CHST1: variants seen among roughly 807,000 people sequenced by gnomAD.
The protein encoded by CHST1 is Keratan sulfotransferase.
Under a neutral mutation model 22.5 loss-of-function variants are expected in CHST1, and 10 were observed. The observed-to-expected ratio is 0.44, with a 90% CI of 0.27 to 0.75. The LOEUF (loss-of-function observed/expected upper bound fraction) is 0.75, where lower values mean the gene tolerates loss of function less well. Among genes scored for constraint, CHST1 ranks in the 30% least tolerant of loss-of-function variants. The pLI is 0.15. For synonymous variants in CHST1, 267 were observed against 264.5 expected (o/e 1.01, Z -0.09); for missense variants, 439 against 576.1 (o/e 0.76, Z 2.44).
chr11:45,656,095 A>T (rs1470796755), intron 1 of CHST1, among the ~76,000 whole-genome samples: 1 of 152,202 alleles, frequency 6.6e-6, no homozygotes, highest in Non-Finnish European at 1.5e-5. Flanking sequence ...CTCTTGCTGT[A>T]CAGAAATCCC....
At chr11:45,653,847 C>G (rs1852028681) in intron 1 of CHST1, among the ~76,000 whole-genome samples, 1 of 152,170 alleles carries the variant, frequency 6.6e-6, no homozygotes, top group African/African-American at 2.4e-5. Flanking sequence ...CAGCCATCAG[C>G]TCATCGCACC....
At chr11:45,659,019 G>A (rs45460198) in intron 1 of CHST1, among the ~76,000 whole-genome samples, 6,012 of 152,262 alleles carry the variant, frequency 0.039, 414 homozygotes, top group African/African-American at 0.14. Context: ...GGCTGGCCCC[G>A]TGGGGACGAG....
At chr11:45,656,146 C>A (rs1470572925) in intron 1 of CHST1, among the ~76,000 whole-genome samples, 1 of 152,210 alleles carries the variant, frequency 6.6e-6, no homozygotes, top group Non-Finnish European at 1.5e-5. Context: ...CTTTTCTGGG[C>A]CACAGACCTT....
chr11:45,650,906 C>T lies in CHST1; in HGVS notation c.18G>A (p.Lys6=), dbSNP rs1851990184. 1 of 1,536,138 alleles carries T rather than the reference C, an allele frequency of 6.5e-7. No individual in the cohort carries two copies. The highest frequency in any genetic ancestry group is 8.8e-7 in the Non-Finnish European group (1 of 1,140,906). Residue 6 remains lysine (K), a synonymous_variant, in exon 4 of 4, where the codon AAG becomes AAA. Coordinates refer to ENST00000308064, the MANE Select transcript of CHST1 (RefSeq NM_003654.6). ...AGGCCAGGGCAAGGAGGAGGACGGC[C>T]TTCCAGGAACATTGCATGGCTGGGC... MQCSW[K]AVLLLALASI...
intron 1 of CHST1, among the ~76,000 whole-genome samples, chr11:45,663,005 A>T (rs910336864): frequency 6.6e-6 from 1 of 152,150 alleles, no homozygotes; most frequent in Non-Finnish European, 1.5e-5. Flanking sequence ...CAGCCGCTAC[A>T]CCGAGTCCTC....
chr11:45,656,215 A>G (rs1176032246), intron 1 of CHST1, among the ~76,000 whole-genome samples: 1 of 152,146 alleles, frequency 6.6e-6, no homozygotes. Context: ...TACACACACA[A>G]TTGAGAAGTT....
chr11:45,654,236 G>A (rs1444934403), intron 1 of CHST1, among the ~76,000 whole-genome samples: 1 of 152,170 alleles, frequency 6.6e-6, no homozygotes, highest in African/African-American at 2.4e-5. Context: ...CTTAAGGCCA[G>A]GACTGGAAGC....
chr11:45,658,057 C>G (rs1852084498), intron 1 of CHST1, among the ~76,000 whole-genome samples: 1 of 152,202 alleles, frequency 6.6e-6, no homozygotes, highest in African/African-American at 2.4e-5. Context: ...ACATGATACC[C>G]ATGGATGTCT....
rs76707101 is a variant in CHST1, at chr11:45,651,215, C to A, written c.-42-250G>T. The A allele has an allele frequency of 9.8e-3, 2,974 of 301,948 alleles. 81 individuals carry two copies. The highest frequency in any genetic ancestry group is 0.057 in the African/African-American group (2,669 of 46,624). The allele number at this position is 301,948 out of a possible 1,614,324, so 18.7% of individuals were successfully genotyped here. A position where few individuals can be genotyped will look rare whatever the true frequency, so the allele number is the denominator to read the frequency against. The stretch of plus-strand genomic sequence containing the variant: ...AACCTGCGGACAGCTGCGGAAGCCT[C>A]TTATCCTGAGCTCTGAGTTCCTTAG... On this transcript the variant is annotated intron_variant, in intron 3 of 3. Coordinates refer to ENST00000308064, the MANE Select transcript of CHST1 (RefSeq NM_003654.6).
Position 45,648,678 on chromosome 11 carries a change from G to A in CHST1, c.*1010C>T, listed in dbSNP as rs555275996. Among the ~76,000 whole-genome samples, 12 of 152,222 alleles carry A rather than the reference G, an allele frequency of 7.9e-5. No individual in the cohort carries two copies. The South Asian group carries it at 2.1e-3, about 26-fold the overall frequency. ...TGCACTCCAGCCTGGGTGACAGAGC[G>A]AGACTCTGTCTCAAAACAAAACAAA... On this transcript the variant is annotated 3_prime_UTR_variant, in exon 4 of 4. Transcript: ENST00000308064.
At chr11:45,664,756 C>A (rs1852175952) in intron 1 of CHST1, among the ~76,000 whole-genome samples, 1 of 152,190 alleles carries the variant, frequency 6.6e-6, no homozygotes, top group Non-Finnish European at 1.5e-5. Context: ...CCCCCGCCTC[C>A]GGGTGCAGCT....
chr11:45,651,029 A>T, intron 3 of CHST1, 64 bp from the exon 4 acceptor site: 1 of 1,282,144 alleles, frequency 7.8e-7, no homozygotes, highest in Non-Finnish European at 1.0e-6. Flanking sequence ...TGTCCCTTGG[A>T]AGAGCCGGTC....
chr11:45,663,406 C>A (rs1852159238), intron 1 of CHST1, among the ~76,000 whole-genome samples: 1 of 152,154 alleles, frequency 6.6e-6, no homozygotes, highest in African/African-American at 2.4e-5. Context: ...CCAGCAGGGG[C>A]CTGTGACTCA....
rs1199535798 is a variant in CHST1 at position 45,650,032 on chromosome 11, TG to T, written c.891del (p.Tyr297Ter). On this transcript the variant is annotated frameshift_variant, in exon 4 of 4. Coordinates refer to ENST00000308064, the MANE Select transcript of CHST1 (RefSeq NM_003654.6). LOFTEE classifies it high-confidence loss of function. Reference protein sequence around the residue: ...LMRPPWLKGKYMLVRYEDLAR... With the variant: ...LMRPPWLKGKXMLVRYEDLAR... ...GCCAGGTCCTCGTAGCGCACCAACA[TG>T]TACTTGCCCTTGAGCCACGGGGGCC... 1 of 1,613,924 alleles carries T rather than the reference TG, an allele frequency of 6.2e-7. No homozygotes were observed. Among genetic ancestry groups the T allele is most frequent in the Non-Finnish European group, 8.5e-7 (1 of 1,179,966 alleles).
chr11:45,650,826 G>C lies in CHST1; in HGVS notation c.98C>G (p.Thr33Ser). Residue 33 changes from threonine to serine, a missense_variant, in exon 4 of 4, where the codon ACC becomes AGC. Coordinates refer to ENST00000308064, the MANE Select transcript of CHST1 (RefSeq NM_003654.6). ...CCCGGCCTCTGCCAGCCCGGGGCAG[G>C]TGTGAAAGGACTTGGCGGTGAAGGT... Reference protein sequence around the residue: ...IRTFTAKSFHTCPGLAEAGLA... With the variant: ...IRTFTAKSFHSCPGLAEAGLA... 2 of 1,609,408 alleles carry C rather than the reference G, an allele frequency of 1.2e-6. No individual in the cohort carries two copies. Among genetic ancestry groups the C allele is most frequent in the Non-Finnish European group, 1.7e-6 (2 of 1,177,266 alleles).
intron 1 of CHST1, among the ~76,000 whole-genome samples, chr11:45,664,355 C>T (rs1852170716): frequency 6.6e-6 from 1 of 152,308 alleles, no homozygotes; most frequent in African/African-American, 2.4e-5. Flanking sequence ...TTTAAGTCCA[C>T]CAAGAGGAAG....
At position 45,650,591 on chromosome 11, in the gene CHST1, G is replaced by T. The variant is rs777954431; in HGVS notation, c.333C>A (p.Ala111=). ...IPRFTQGKSP[A]DRRVMLGASR... ...TGGCGCCTAGCATGACCCGCCGGTC[G>T]GCCGGGCTCTTGCCCTGGGTGAAGC... The change falls in exon 4 of 4, where the codon GCC becomes GCA. Residue 111 remains alanine, a synonymous_variant. Transcript: ENST00000308064. The T allele has an allele frequency of 1.2e-6, 2 of 1,613,998 alleles. No homozygotes were observed. Among genetic ancestry groups the T allele is most frequent in the Non-Finnish European group, 1.7e-6 (2 of 1,180,000 alleles).
At chr11:45,654,243 A>T (rs1852033041) in intron 1 of CHST1, among the ~76,000 whole-genome samples, 1 of 152,170 alleles carries the variant, frequency 6.6e-6, no homozygotes, top group South Asian at 2.1e-4. Context: ...CCAGGACTGG[A>T]AGCTGCTGCT....
At chr11:45,662,224 A>T (rs1201249371) in intron 1 of CHST1, among the ~76,000 whole-genome samples, 1 of 152,044 alleles carries the variant, frequency 6.6e-6, no homozygotes, top group African/African-American at 2.4e-5. Context: ...GAGGGCCACC[A>T]TCTCTGCCTG....
Sources: gnomAD v4.1 joint callset for allele counts (sites outside exome capture counted in the v4.1 genomes callset) on GRCh38, gnomAD v4.1.1 for gene constraint, MANE v1.5 for transcripts, NCBI Gene and HGNC (gene_info 2026-07-23, HGNC 2026-07-21) for gene names.